The following COMMD1 variants were observed in gnomAD, a reference collection of about 807,000 sequenced individuals.
COMMD1 encodes copper metabolism domain containing 1.
COMMD1 carries 10 observed loss-of-function variants against 17.2 expected under a neutral mutation model. The ratio of observed to expected loss-of-function variants is 0.58; its 90% CI spans 0.36 to 0.99. The LOEUF is 0.99. Ranked by LOEUF, COMMD1 falls within the 50% of genes least tolerant of loss-of-function variation. The pLI is 0.01. For missense variants in COMMD1, 270 were observed against 231.8 expected, an observed-to-expected ratio of 1.17 and a Z score of -1.07; for synonymous variants, 97 against 91.6, an observed-to-expected ratio of 1.06 and a Z score of -0.34.
intron 2 of COMMD1, among the ~76,000 whole-genome samples, chr2:62,125,597 TA>T (rs887343127): frequency 9.2e-5 from 14 of 151,654 alleles, no homozygotes; most frequent in African/African-American, 2.2e-4. Context: ...AGTTATTGTT[TA>T]AAAAAAAACT....
At chr2:62,067,157 GGAGGTT>G (rs1671075738) in intron 2 of COMMD1, among the ~76,000 whole-genome samples, 2 of 151,930 alleles carry the variant, frequency 1.3e-5, no homozygotes. Flanking sequence ...CCCGGAAGGC[GGAGGTT>G]GCGGTGAGCA....
At chr2:61,986,200 C>T (rs1672100747) in intron 1 of COMMD1, among the ~76,000 whole-genome samples, 1 of 151,744 alleles carries the variant, frequency 6.6e-6, no homozygotes, top group South Asian at 2.1e-4. Context: ...ATGCCAATCT[C>T]ACCTGGCATG....
chr2:61,951,635 T>C lies in COMMD1; in HGVS notation c.180+45777T>C, dbSNP rs1029058279. The stretch of plus-strand genomic sequence containing the variant: ...TTTTAACAGCTTTATTGCTGTATAA[T>C]GGGGATATAGTAAACTGCACATATT... On this transcript the variant is annotated intron_variant, in intron 1 of 2. Transcript: ENST00000311832. 4.6e-5 allele frequency among the ~76,000 whole-genome samples: 7 copies of C among 152,182 alleles called. No homozygotes were observed. The South Asian group carries it at 6.2e-4, about 14-fold the overall frequency.
chr2:61,990,491 C>T (rs184460957), intron 1 of COMMD1, among the ~76,000 whole-genome samples: 5 of 152,100 alleles, frequency 3.3e-5, no homozygotes, highest in Admixed American at 2.6e-4. Context: ...AGTTCAAGAC[C>T]AGCCTGGGCA....
chr2:62,063,839 T>C (rs1318594362), intron 2 of COMMD1, among the ~76,000 whole-genome samples: 2 of 132,450 alleles, frequency 1.5e-5, no homozygotes, highest in African/African-American at 5.6e-5. Flanking sequence ...TCTTCCAGAC[T>C]GGACAACATA....
chr2:62,130,601 G>A (rs188998996), intron 2 of COMMD1, among the ~76,000 whole-genome samples: 11 of 152,300 alleles, frequency 7.2e-5, no homozygotes, highest in East Asian at 1.9e-4. Context: ...AGGATAAAGC[G>A]TTGTGAAAAT....
chr2:62,003,149 C>A (rs1165507845), intron 2 of COMMD1, among the ~76,000 whole-genome samples: 2 of 151,520 alleles, frequency 1.3e-5, no homozygotes, highest in African/African-American at 4.9e-5. Flanking sequence ...AGGAGAATCA[C>A]TTGAACCTGG....
chr2:62,043,514 T>C (rs1257418830), intron 2 of COMMD1, among the ~76,000 whole-genome samples: 1 of 152,176 alleles, frequency 6.6e-6, no homozygotes, highest in Non-Finnish European at 1.5e-5. Context: ...ATGACAGTAT[T>C]AGGCTTAGTG....
intron 1 of COMMD1, among the ~76,000 whole-genome samples, chr2:61,910,859 G>A (rs1459814480): frequency 2.0e-5 from 3 of 151,072 alleles, no homozygotes; most frequent in African/African-American, 7.3e-5. Context: ...CGGGTCAGGT[G>A]GATCACCTGA....
At chr2:62,037,986 G>A (rs1390247509) in intron 2 of COMMD1, among the ~76,000 whole-genome samples, 3 of 152,076 alleles carry the variant, frequency 2.0e-5, no homozygotes, top group Non-Finnish European at 4.4e-5. Context: ...TTGGATAGTG[G>A]TCTTAAAAAC....
chr2:62,056,983 C>T (rs1288188457), intron 2 of COMMD1, among the ~76,000 whole-genome samples: 1 of 152,098 alleles, frequency 6.6e-6, no homozygotes, highest in Non-Finnish European at 1.5e-5. Context: ...TGTGAAGCAG[C>T]GTTTTCTGCA....
chr2:62,063,898 T>TATATATATA (rs1438732823), intron 2 of COMMD1, among the ~76,000 whole-genome samples: 73 of 126,188 alleles, frequency 5.8e-4, no homozygotes, highest in South Asian at 8.1e-4. Context: ...TATATATATA[T>TATATATATA]TAGCCAGGCA....
chr2:61,978,393 T>G (rs1357776380), intron 1 of COMMD1, among the ~76,000 whole-genome samples: 3 of 152,188 alleles, frequency 2.0e-5, no homozygotes, highest in Admixed American at 2.0e-4. Context: ...GGGGACTTAT[T>G]TGGGACTAAA....
intron 2 of COMMD1, among the ~76,000 whole-genome samples, chr2:62,014,524 AAAT>A (rs1488109589): frequency 6.8e-6 from 1 of 148,070 alleles, no homozygotes; most frequent in Non-Finnish European, 1.5e-5. Flanking sequence ...ACACATAACA[AAAT>A]TTTACCATTT....
chr2:61,956,041 A>G (rs1671190684), intron 1 of COMMD1, among the ~76,000 whole-genome samples: 2 of 152,214 alleles, frequency 1.3e-5, no homozygotes, highest in African/African-American at 2.4e-5. Flanking sequence ...GCACGGGTAT[A>G]TGTAGCACAT....
intron 1 of COMMD1, among the ~76,000 whole-genome samples, chr2:61,966,366 A>G (rs1456164056): frequency 6.6e-6 from 1 of 152,242 alleles, no homozygotes; most frequent in Non-Finnish European, 1.5e-5. Flanking sequence ...GTCCTTGGCC[A>G]GATTTTACTT....
At chr2:61,908,680 C>T (rs1186986205) in intron 1 of COMMD1, among the ~76,000 whole-genome samples, 1 of 152,142 alleles carries the variant, frequency 6.6e-6, no homozygotes, top group East Asian at 1.9e-4. Context: ...CTGCCTCAGC[C>T]TCCCGAGTGG....
At chr2:62,029,043 A>G (rs1669844212) in intron 2 of COMMD1, among the ~76,000 whole-genome samples, 1 of 152,232 alleles carries the variant, frequency 6.6e-6, no homozygotes, top group Admixed American at 6.5e-5. Flanking sequence ...TTTAGCTACC[A>G]TATGATTATT....
At chr2:62,060,964 TC>T (rs1416396481) in intron 2 of COMMD1, among the ~76,000 whole-genome samples, 1 of 152,182 alleles carries the variant, frequency 6.6e-6, no homozygotes, top group East Asian at 1.9e-4. Flanking sequence ...AGTTCACTGA[TC>T]CTTCCGTCAT....
Sources: allele counts gnomAD v4.1 joint callset (sites outside exome capture counted in the v4.1 genomes callset), GRCh38; gene constraint gnomAD v4.1.1; transcripts MANE v1.5; gene names NCBI Gene and HGNC (gene_info 2026-07-23, HGNC 2026-07-21).